Variants in CAMTA1 observed in about 807,000 individuals in gnomAD.
CAMTA1 encodes the protein calmodulin-binding transcription activator 1.
A neutral mutation model predicts 170.9 loss-of-function variants in CAMTA1; 27 were observed. The observed-to-expected ratio is 0.16, with a 90% confidence interval of 0.12 to 0.22. CAMTA1 has a LOEUF of 0.22. CAMTA1 is among the 10% of genes least tolerant of loss of function. The pLI, the probability that CAMTA1 is intolerant of heterozygous loss-of-function variation, is 1.00. For missense variants in CAMTA1, 1,619 were observed against 2,217.2 expected, an observed-to-expected ratio of 0.73 and a Z score of 5.42; for synonymous variants, 833 against 891.5, an observed-to-expected ratio of 0.93 and a Z score of 1.17.
intron 3 of CAMTA1, among the ~76,000 whole-genome samples, chr1:6,941,350 C>T (rs144049433): frequency 1.3e-5 from 2 of 152,288 alleles, no homozygotes; most frequent in Non-Finnish European, 2.9e-5. Context: ...CTTCTTGAAT[C>T]GCACACTTAC....
chr1:7,577,781 C>T (rs559744627), intron 6 of CAMTA1, among the ~76,000 whole-genome samples: 1 of 152,250 alleles, frequency 6.6e-6, no homozygotes, highest in Admixed American at 6.5e-5. Flanking sequence ...GCCATTGTAG[C>T]AGAAAAGCCA....
At chr1:7,324,922 C>T (rs1679068107) in intron 5 of CAMTA1, among the ~76,000 whole-genome samples, 2 of 152,016 alleles carry the variant, frequency 1.3e-5, no homozygotes, top group Admixed American at 1.3e-4. Context: ...GGTTAATCTA[C>T]AGTTTGACCA....
chr1:7,336,095 C>G (rs1184401742), intron 5 of CAMTA1, among the ~76,000 whole-genome samples: 2 of 152,206 alleles, frequency 1.3e-5, no homozygotes, highest in Non-Finnish European at 2.9e-5. Flanking sequence ...CCTGGAGTGG[C>G]CGCTCTCACC....
At chr1:7,765,412 T>A (rs796569728) in intron 22 of CAMTA1, among the ~76,000 whole-genome samples, 6 of 152,304 alleles carry the variant, frequency 3.9e-5, no homozygotes, top group African/African-American at 1.4e-4. Flanking sequence ...AATAAGTAAT[T>A]TGCTGATGTG....
intron 6 of CAMTA1, among the ~76,000 whole-genome samples, chr1:7,598,757 A>G (rs904313738): frequency 2.6e-5 from 4 of 152,036 alleles, no homozygotes; most frequent in Non-Finnish European, 5.9e-5. Flanking sequence ...GTGTCTGTTC[A>G]TGTCCTTTGC....
chr1:7,191,127 A>T (rs1654439458), intron 4 of CAMTA1, among the ~76,000 whole-genome samples: 1 of 152,238 alleles, frequency 6.6e-6, no homozygotes, highest in Non-Finnish European at 1.5e-5. Flanking sequence ...AGCTCTGATT[A>T]TAAGAGCCCT....
intron 3 of CAMTA1, among the ~76,000 whole-genome samples, chr1:6,955,965 C>T (rs930774445): frequency 6.6e-6 from 1 of 152,210 alleles, no homozygotes; most frequent in Non-Finnish European, 1.5e-5. Flanking sequence ...AGGGTCAGGG[C>T]TGTTCCTGCA....
intron 3 of CAMTA1, among the ~76,000 whole-genome samples, chr1:7,022,663 C>A (rs1701527167): frequency 6.6e-6 from 1 of 152,096 alleles, no homozygotes; most frequent in African/African-American, 2.4e-5. Context: ...TGGCCATATG[C>A]TTCAGGGATT....
chr1:7,397,962 G>A (rs1347296027), intron 5 of CAMTA1, among the ~76,000 whole-genome samples: 1 of 151,658 alleles, frequency 6.6e-6, no homozygotes, highest in Non-Finnish European at 1.5e-5. Flanking sequence ...TTCTGCAGCT[G>A]CTGGATAAAA....
chr1:7,246,670 CTTTTT>C lies in CAMTA1; in HGVS notation c.303-2803_303-2799del, dbSNP rs34382670. Among the ~76,000 whole-genome samples, 5 of 73,924 alleles carry C rather than the reference CTTTTT, an allele frequency of 6.8e-5. No homozygotes were observed. In the East Asian group the frequency reaches 1.4e-3, roughly 21 times the overall value. 48.5% of individuals were successfully genotyped at this position (73,924 alleles called of 152,430 possible). ...ATCCCTTCCCACCAGCTCTGACCTG[CTTTTT>C]TTTTTTTTTTTTTTTTTGACATGCT... On this transcript the variant is annotated intron_variant, in intron 4 of 22. Coordinates refer to ENST00000303635, the MANE Select transcript of CAMTA1 (RefSeq NM_015215.4).
chr1:7,522,403 C>T (rs1236585097), intron 6 of CAMTA1, among the ~76,000 whole-genome samples: 4 of 152,140 alleles, frequency 2.6e-5, no homozygotes, highest in Admixed American at 2.6e-4. Flanking sequence ...GAGTCCTTTG[C>T]TGACTATGTG....
intron 3 of CAMTA1, among the ~76,000 whole-genome samples, chr1:6,830,887 C>T (rs1028284737): frequency 2.6e-5 from 4 of 151,994 alleles, no homozygotes; most frequent in Non-Finnish European, 5.9e-5. Flanking sequence ...GGCGTGATCT[C>T]GGCTCACTGC....
At chr1:6,808,074 C>T (rs1329155878) in intron 1 of CAMTA1, among the ~76,000 whole-genome samples, 2 of 151,632 alleles carry the variant, frequency 1.3e-5, no homozygotes, top group South Asian at 2.1e-4. Flanking sequence ...GGAACAGAGG[C>T]ATAGAGCCAA....
intron 11 of CAMTA1, among the ~76,000 whole-genome samples, chr1:7,722,107 T>A (rs1456794497): frequency 6.6e-6 from 1 of 152,174 alleles, no homozygotes; most frequent in East Asian, 1.9e-4. Context: ...GCTGGTTTCC[T>A]GGCATAGACA....
chr1:7,124,632 G>T (rs1460596848), intron 4 of CAMTA1, among the ~76,000 whole-genome samples: 1 of 152,182 alleles, frequency 6.6e-6, no homozygotes, highest in African/African-American at 2.4e-5. Flanking sequence ...CAATGGATTT[G>T]CTGACTGATC....
intron 5 of CAMTA1, among the ~76,000 whole-genome samples, chr1:7,360,581 G>A (rs2085465927): frequency 6.6e-6 from 1 of 152,256 alleles, no homozygotes; most frequent in Non-Finnish European, 1.5e-5. Flanking sequence ...GGTCAAAGAT[G>A]ACAAGCCTCG....
At chr1:7,367,292 G>A (rs977130022) in intron 5 of CAMTA1, among the ~76,000 whole-genome samples, 1 of 152,206 alleles carries the variant, frequency 6.6e-6, no homozygotes, top group African/African-American at 2.4e-5. Flanking sequence ...AGAGCCCCAG[G>A]TAAAACGAAA....
At chr1:6,852,056 A>C (rs1297373290) in intron 3 of CAMTA1, among the ~76,000 whole-genome samples, 5 of 151,946 alleles carry the variant, frequency 3.3e-5, no homozygotes, top group Non-Finnish European at 7.4e-5. Context: ...TACGTACTAC[A>C]TTGAAAAGAG....
Position 7,195,461 on chromosome 1 carries a change from C to G in CAMTA1, c.303-54030C>G, listed in dbSNP as rs1486220682. Among the ~76,000 whole-genome samples the G allele has an allele frequency of 1.3e-5, 2 of 152,112 alleles. No individual in the cohort carries two copies. The highest frequency in any genetic ancestry group is 3.9e-4 in the East Asian group (2 of 5,182). ...GAGGAGTGCAGACTCCCCAGCTGCC[C>G]GTAGTGACCATGGGGCACAAGCAGG... On this transcript the variant is annotated intron_variant, in intron 4 of 22. Transcript: ENST00000303635. The surrounding 1 kb of genome is among the most constrained non-coding windows in gnomAD (Gnocchi z 4.1).
Sources: allele counts gnomAD v4.1 joint callset (sites outside exome capture counted in the v4.1 genomes callset), GRCh38; gene constraint gnomAD v4.1.1; non-coding constraint Gnocchi (gnomAD v3.1); transcripts MANE v1.5; gene names NCBI Gene and HGNC (gene_info 2026-07-23, HGNC 2026-07-21).